Variants in GRM4 observed in about 807,000 individuals in gnomAD.
GRM4 encodes the protein metabotropic glutamate receptor 4.
A neutral mutation model predicts 81.7 loss-of-function variants in GRM4; 28 were observed. That is an observed-to-expected ratio of 0.34 (90% CI 0.25 to 0.47). The LOEUF (loss-of-function observed/expected upper bound fraction) is 0.47. Ranked by LOEUF, GRM4 falls within the 20% of genes least tolerant of loss-of-function variation. GRM4 has a pLI of 1.00. For missense variants in GRM4, 948 were observed against 1,290.0 expected (o/e 0.73, Z 4.06); for synonymous variants, 488 against 528.8 (o/e 0.92, Z 1.06).
At chr6:34,155,447 A>G (rs1771133132) in exon 1 of GRM4, 3 of 1,155,934 alleles carry the variant, frequency 2.6e-6, no homozygotes, top group South Asian at 3.2e-5. Context: ...GCGGTTCGCA[A>G]CCTCGACGCA....
chr6:34,124,574 A>G (rs1769945690), intron 2 of GRM4, among the ~76,000 whole-genome samples: 1 of 152,176 alleles, frequency 6.6e-6, no homozygotes, highest in Admixed American at 6.5e-5. Flanking sequence ...TCCACCTGGA[A>G]TGCACCTGTC....
intron 2 of GRM4, among the ~76,000 whole-genome samples, chr6:34,123,643 T>G (rs1343905481): frequency 6.6e-6 from 1 of 152,244 alleles, no homozygotes. Flanking sequence ...CGCCAGGCAC[T>G]GCCCTGGCCC....
chr6:34,070,547 C>G lies in GRM4; in HGVS notation c.737-8519G>C, dbSNP rs1399227935. 6.6e-6 allele frequency among the ~76,000 whole-genome samples: 1 copy of G among 151,918 alleles called. No individual in the cohort carries two copies. Among genetic ancestry groups the G allele is most frequent in the Non-Finnish European group, 1.5e-5 (1 of 67,980 alleles). On this transcript the variant is annotated intron_variant, in intron 3 of 10. Coordinates refer to ENST00000538487, the MANE Select transcript of GRM4 (RefSeq NM_000841.4). This position sits in a 1 kb window ranked among gnomAD's most constrained non-coding sequence, Gnocchi z 4.6. ...GTAGTGGTGTTTGTGCAGGTCTGCC[C>G]CCTGGAGCCAACACCTCTGGGGAGC... is the stretch of plus-strand genomic sequence containing the variant.
rs1767566365 is a variant in GRM4, at chr6:34,081,000, T to A, written c.736+10883A>T. On this transcript the variant is annotated intron_variant, in intron 3 of 10. Transcript: ENST00000538487. The surrounding 1 kb of genome is among the most constrained non-coding windows in gnomAD (Gnocchi z 5.4). ...CCTCTTTCCTCCCTAGCCCTAGAAC[T>A]GCTGGCCTCTGTGGGGCAGGGCCTT... Among the ~76,000 whole-genome samples, 1 of 152,170 alleles carries A rather than the reference T, an allele frequency of 6.6e-6. No homozygotes were observed. Among genetic ancestry groups the A allele is most frequent in the Admixed American group, 6.5e-5 (1 of 15,280 alleles).
In GRM4 at chr6:34,034,164, G is replaced by A. The variant is rs548709850; in HGVS notation, c.2442+1504C>T. ...ACTGACTTGGCAGCTGCATTTGGAC[G>A]TCTAATGAGCATCCCAAACTTAGCA... is the stretch of plus-strand genomic sequence containing the variant. On this transcript the variant is annotated intron_variant, in intron 9 of 10. Transcript: ENST00000538487. This position sits in a 1 kb window ranked among gnomAD's most constrained non-coding sequence, Gnocchi z 4.0. Among the ~76,000 whole-genome samples the A allele has an allele frequency of 1.9e-4, 29 of 152,298 alleles. No homozygotes were observed. Among genetic ancestry groups the A allele is most frequent in the African/African-American group, 5.8e-4 (24 of 41,558 alleles).
At chr6:34,082,065 CGGG>C (rs1323382237) in intron 3 of GRM4, among the ~76,000 whole-genome samples, 2 of 30,006 alleles carry the variant, frequency 6.7e-5, no homozygotes, top group African/African-American at 4.0e-4. Flanking sequence ...TGGGAGCCTG[CGGG>C]ACAGATCCCT....
chr6:34,091,190 G>A (rs761744917), intron 3 of GRM4, among the ~76,000 whole-genome samples: 17 of 152,236 alleles, frequency 1.1e-4, no homozygotes, highest in Non-Finnish European at 2.1e-4. Context: ...TGCTAGGTGG[G>A]AGTCACCTGC....
At chr6:34,150,891 C>T (rs1485776264), upstream of GRM4, among the ~76,000 whole-genome samples, 8 of 152,204 alleles carry the variant, frequency 5.3e-5, no homozygotes, top group Admixed American at 2.0e-4. Flanking sequence ...TTCGGGACTG[C>T]GCCTTATTCT....
At chr6:34,026,593 G>C (rs577597363) in intron 10 of GRM4, among the ~76,000 whole-genome samples, 2 of 151,970 alleles carry the variant, frequency 1.3e-5, no homozygotes, top group Admixed American at 1.3e-4. Context: ...CTGGGGATAC[G>C]GGGTCTCCCT....
chr6:34,096,530 G>A (rs1030162262), intron 2 of GRM4, among the ~76,000 whole-genome samples: 5 of 152,228 alleles, frequency 3.3e-5, no homozygotes, highest in Non-Finnish European at 7.3e-5. Context: ...CCTTGTGCAG[G>A]CAAGGCCACG....
At position 34,115,648 on chromosome 6, in the gene GRM4, G is replaced by C. The variant is rs1424641209; in HGVS notation, c.519+17330C>G. ...AAAGAGCCTTTCTAGCTTCCCAAAGGGGCCCTGGGACAAGCCTTGCTGGGT... is the reference window on the plus strand; with the variant it reads ...AAAGAGCCTTTCTAGCTTCCCAAAGCGGCCCTGGGACAAGCCTTGCTGGGT... On this transcript the variant is annotated intron_variant, in intron 2 of 10. Coordinates refer to ENST00000538487, the MANE Select transcript of GRM4 (RefSeq NM_000841.4). This position sits in a 1 kb window ranked among gnomAD's most constrained non-coding sequence, Gnocchi z 4.1. Among the ~76,000 whole-genome samples, 1 of 152,148 alleles carries C rather than the reference G, an allele frequency of 6.6e-6. No homozygotes were observed. Among genetic ancestry groups the C allele is most frequent in the African/African-American group, 2.4e-5 (1 of 41,428 alleles).
intron 6 of GRM4, among the ~76,000 whole-genome samples, chr6:34,041,931 C>T (rs992690251): frequency 6.6e-6 from 1 of 152,228 alleles, no homozygotes; most frequent in Non-Finnish European, 1.5e-5. Flanking sequence ...CACAACAATG[C>T]TAAGGTGTAA....
At chr6:34,113,850 T>A (rs971070818) in intron 2 of GRM4, among the ~76,000 whole-genome samples, 1 of 152,178 alleles carries the variant, frequency 6.6e-6, no homozygotes, top group Admixed American at 6.5e-5. Context: ...CAAGGCTATC[T>A]ACTGCACCTG....
In GRM4 at chr6:34,069,124, G is replaced by T. The variant is rs987392651; in HGVS notation, c.737-7096C>A. ...GGCTCCCATAGGGGAGGACAGAGGG[G>T]AGGACAGGGGCTGGAAGCTACCCCT... On this transcript the variant is annotated intron_variant, in intron 3 of 10. Transcript: ENST00000538487. This position sits in a 1 kb window ranked among gnomAD's most constrained non-coding sequence, Gnocchi z 6.4. Among the ~76,000 whole-genome samples, 3 of 151,600 alleles carry T rather than the reference G, an allele frequency of 2.0e-5. No homozygotes were observed. The highest frequency in any genetic ancestry group is 4.4e-5 in the Non-Finnish European group (3 of 67,922).
chr6:34,026,696 G>A (rs542810019), intron 10 of GRM4, among the ~76,000 whole-genome samples: 25 of 152,244 alleles, frequency 1.6e-4, no homozygotes, highest in Non-Finnish European at 2.2e-4. Flanking sequence ...GGCAGTACCC[G>A]TACTGAGCCA....
chr6:34,028,699 G>A (rs1764262474), intron 9 of GRM4, among the ~76,000 whole-genome samples: 1 of 152,218 alleles, frequency 6.6e-6, no homozygotes, highest in South Asian at 2.1e-4. Context: ...TCTGGCACAT[G>A]GTAAGTGCCA....
chr6:34,153,819 G>A (rs1771093917), intron 1 of GRM4, among the ~76,000 whole-genome samples: 1 of 152,100 alleles, frequency 6.6e-6, no homozygotes, highest in Non-Finnish European at 1.5e-5. Flanking sequence ...CCCGGCTACT[G>A]GGGAGGCTGA....
chr6:34,051,935 A>C (rs1183649849), intron 6 of GRM4, among the ~76,000 whole-genome samples: 1 of 152,216 alleles, frequency 6.6e-6, no homozygotes, highest in East Asian at 1.9e-4. Context: ...GGGAAGTGGC[A>C]GCACCAGCAT....
intron 1 of GRM4, chr6:34,155,071 T>C (rs886863740): frequency 1.7e-5 from 26 of 1,504,066 alleles, no homozygotes; most frequent in Admixed American, 2.0e-5. Flanking sequence ...GAGAGGCTTG[T>C]TTTTCACCTG....
Sources: allele counts gnomAD v4.1 joint callset (sites outside exome capture counted in the v4.1 genomes callset), GRCh38; gene constraint gnomAD v4.1.1; non-coding constraint Gnocchi (gnomAD v3.1); transcripts MANE v1.5; gene names NCBI Gene and HGNC (gene_info 2026-07-23, HGNC 2026-07-21).